Variants in ATP6V1E1 observed in about 807,000 individuals in gnomAD.
The protein encoded by ATP6V1E1 is ATPase H+ transporting V1 subunit E1.
Under a neutral mutation model 35.2 loss-of-function variants are expected in ATP6V1E1, and 21 were observed. That is an observed-to-expected ratio of 0.60 (90% CI 0.42 to 0.86). ATP6V1E1 has a LOEUF of 0.86. Among genes scored for constraint, ATP6V1E1 ranks in the 40% least tolerant of loss-of-function variants. The pLI is 0.00. For missense variants in ATP6V1E1, 183 were observed against 272.6 expected (o/e 0.67, Z 2.32); for synonymous variants, 83 against 87.8 (o/e 0.95, Z 0.30).
chr22:17,592,696 G>GC lies in ATP6V1E1; in HGVS notation c.658dup (p.Ala220GlyfsTer37), dbSNP rs769609578. ...GGCTTAGTCCAAAAACTTCCTGTTGGCATTTGCACCAAACAAGGCTCCCCG... is the reference window on the plus strand; with the variant it reads ...GGCTTAGTCCAAAAACTTCCTGTTGGCCATTTGCACCAAACAAGGCTCCCCG... On this transcript the variant is annotated frameshift_variant, in exon 9 of 9. Transcript: ENST00000253413. LOFTEE classifies it high-confidence loss of function. 3 of 1,614,004 alleles carry GC rather than the reference G, an allele frequency of 1.9e-6. No homozygotes were observed. In the African/African-American group the frequency reaches 4.0e-5, roughly 22 times the overall value.
intron 5 of ATP6V1E1, 199 bp downstream of exon 5, chr22:17,600,893 G>T: frequency 2.5e-6 from 1 of 393,696 alleles, no homozygotes; most frequent in Non-Finnish European, 4.5e-6. Context: ...CAAGCAGACA[G>T]ATTTACTATT....
chr22:17,606,360 A>G (rs931286623), intron 4 of ATP6V1E1, among the ~76,000 whole-genome samples: 4 of 133,586 alleles, frequency 3.0e-5, no homozygotes, highest in Non-Finnish European at 5.0e-5. Context: ...CAAAGCATGT[A>G]TGTGTGCTTT....
At chr22:17,612,756 C>T in intron 4 of ATP6V1E1, 56 bp downstream of exon 4, 3 of 1,343,888 alleles carry the variant, frequency 2.2e-6, no homozygotes, top group Non-Finnish European at 3.0e-6. Context: ...TAATTTACAA[C>T]AGGGAAATGA....
intron 4 of ATP6V1E1, 108 bp downstream of exon 4, chr22:17,612,704 T>G (rs1404700638): frequency 4.2e-6 from 4 of 947,584 alleles, no homozygotes; most frequent in African/African-American, 3.4e-5. Flanking sequence ...ATGTTTTCTC[T>G]CTAAAGATTA....
chr22:17,611,670 C>T (rs146645354), intron 4 of ATP6V1E1, among the ~76,000 whole-genome samples: 19 of 152,250 alleles, frequency 1.2e-4, no homozygotes, highest in Admixed American at 6.5e-4. Flanking sequence ...TTAATGGATC[C>T]ACCATTCTCC....
At chr22:17,618,551 G>A (rs994385136) in intron 2 of ATP6V1E1, among the ~76,000 whole-genome samples, 23 of 151,614 alleles carry the variant, frequency 1.5e-4, no homozygotes, top group Admixed American at 9.9e-4. Flanking sequence ...GCGTGGTGGC[G>A]GGTGTCTGTA....
intron 4 of ATP6V1E1, among the ~76,000 whole-genome samples, chr22:17,607,190 A>C (rs2146303971): frequency 6.6e-6 from 1 of 150,814 alleles, no homozygotes; most frequent in South Asian, 2.1e-4. Context: ...ATGAAGTCTC[A>C]CTCTGTCGCC....
intron 3 of ATP6V1E1, 80 bp from the exon 4 acceptor site, chr22:17,612,958 A>G: frequency 1.5e-6 from 2 of 1,366,850 alleles, no homozygotes; most frequent in South Asian, 2.6e-5. Flanking sequence ...GGCTCAAGCA[A>G]TCCTCCTCCC....
At position 17,598,288 on chromosome 22, in the gene ATP6V1E1, C is replaced by T. The variant is rs1329650470; in HGVS notation, c.436G>A (p.Ala146Thr). 5.0e-6 allele frequency: 8 copies of T among 1,611,128 alleles called. No individual in the cohort carries two copies. In the South Asian group the frequency reaches 7.7e-5, roughly 15 times the overall value. Residue 146 changes from alanine to threonine, a missense_variant and splice_region_variant, in exon 7 of 9, where the codon GCT becomes ACT. By Grantham distance (58) the Ala-to-Thr change is moderately conservative. Coordinates refer to ENST00000253413, the MANE Select transcript of ATP6V1E1 (RefSeq NM_001696.4). ...ATAGGAATTGCCTTCTGCACTGCAG[C>T]CTGGAAGTATAGAACACAATGAGAG... ...CRKQDFPLVK[A>T]AVQKAIPMYK...
intron 1 of ATP6V1E1, among the ~76,000 whole-genome samples, chr22:17,622,271 A>G (rs114965056): frequency 8.5e-6 from 1 of 117,630 alleles, no homozygotes; most frequent in South Asian, 2.4e-4. Context: ...GCCAGTGTGA[A>G]CCCAGAACAT....
intron 1 of ATP6V1E1, among the ~76,000 whole-genome samples, chr22:17,625,438 G>A (rs1356257981): frequency 1.3e-5 from 2 of 152,110 alleles, no homozygotes; most frequent in African/African-American, 4.8e-5. Flanking sequence ...TTGAATTTTA[G>A]TAGAGACAGG....
At chr22:17,606,651 C>T (rs555825870) in intron 4 of ATP6V1E1, among the ~76,000 whole-genome samples, 94 of 152,342 alleles carry the variant, frequency 6.2e-4, no homozygotes, top group African/African-American at 2.2e-3. Context: ...TTAAAACACA[C>T]AGCCCAGCTT....
intron 4 of ATP6V1E1, among the ~76,000 whole-genome samples, chr22:17,603,642 A>T (rs374145622): frequency 1.4e-4 from 22 of 152,324 alleles, no homozygotes; most frequent in Admixed American, 5.2e-4. Context: ...GTGAAACTCC[A>T]TCTCTACTAA....
intron 2 of ATP6V1E1, 141 bp downstream of exon 2, chr22:17,619,320 G>A: frequency 1.3e-6 from 1 of 761,552 alleles, no homozygotes. Flanking sequence ...AGGAAGGAAG[G>A]AGGGGAAGGA....
intron 7 of ATP6V1E1, among the ~76,000 whole-genome samples, chr22:17,597,437 A>G (rs1355127311): frequency 1.3e-5 from 2 of 151,962 alleles, no homozygotes; most frequent in Non-Finnish European, 2.9e-5. Flanking sequence ...ATTTCCTCAC[A>G]GTCATAAAAA....
At chr22:17,627,575 T>C (rs1410806889) in intron 1 of ATP6V1E1, among the ~76,000 whole-genome samples, 1 of 151,000 alleles carries the variant, frequency 6.6e-6, no homozygotes, top group Non-Finnish European at 1.5e-5. Context: ...TCCCAGCACT[T>C]TGGGAGGCCC....
chr22:17,613,539 G>T (rs959952978), intron 2 of ATP6V1E1, among the ~76,000 whole-genome samples: 1 of 151,550 alleles, frequency 6.6e-6, no homozygotes, highest in Non-Finnish European at 1.5e-5. Flanking sequence ...TTCGTCAAGG[G>T]TAACAGTAAC....
At chr22:17,595,797 G>A (rs2057728961) in intron 7 of ATP6V1E1, among the ~76,000 whole-genome samples, 1 of 151,954 alleles carries the variant, frequency 6.6e-6, no homozygotes, top group Non-Finnish European at 1.5e-5. Flanking sequence ...CTCCAGCTTG[G>A]GTGACAGAAA....
intron 1 of ATP6V1E1, among the ~76,000 whole-genome samples, chr22:17,627,567 C>A (rs1471365612): frequency 6.6e-6 from 1 of 151,334 alleles, no homozygotes; most frequent in Non-Finnish European, 1.5e-5. Context: ...GCCTGTAATC[C>A]CAGCACTTTG....
Sources: gnomAD v4.1 joint callset for allele counts (sites outside exome capture counted in the v4.1 genomes callset) on GRCh38, gnomAD v4.1.1 for gene constraint, MANE v1.5 for transcripts, NCBI Gene and HGNC (gene_info 2026-07-23, HGNC 2026-07-21) for gene names.